The following ARHGEF3 variants were observed in gnomAD, a reference collection of about 807,000 sequenced individuals.
The protein encoded by ARHGEF3 is 59.8 kDA protein.
A neutral mutation model predicts 63.2 loss-of-function variants in ARHGEF3; 28 were observed. That is an observed-to-expected ratio of 0.44 (90% CI 0.33 to 0.61). The LOEUF (loss-of-function observed/expected upper bound fraction) is 0.61. Among genes scored for constraint, ARHGEF3 ranks in the 20% least tolerant of loss-of-function variants. The pLI is 0.03. For synonymous variants in ARHGEF3, 266 were observed against 254.2 expected (o/e 1.05, Z -0.44); for missense variants, 533 against 659.3 (o/e 0.81, Z 2.10).
At chr3:56,981,106 C>T (rs1701311518) in intron 2 of ARHGEF3, among the ~76,000 whole-genome samples, 1 of 152,246 alleles carries the variant, frequency 6.6e-6, no homozygotes, top group Non-Finnish European at 1.5e-5. Flanking sequence ...CCCTCCCCAT[C>T]TTCCTGGGGA....
chr3:56,812,821 C>T (rs2038117168), intron 4 of ARHGEF3, among the ~76,000 whole-genome samples: 1 of 152,222 alleles, frequency 6.6e-6, no homozygotes, highest in Non-Finnish European at 1.5e-5. Flanking sequence ...GCTAGCTGCT[C>T]CACCAAAGGG....
At chr3:57,028,715 T>TA (rs150495447) in intron 2 of ARHGEF3, among the ~76,000 whole-genome samples, 6,739 of 134,550 alleles carry the variant, frequency 0.05, 530 homozygotes, top group African/African-American at 0.18. Context: ...AATAAATAAA[T>TA]AAAAAAAAAA....
intron 3 of ARHGEF3, among the ~76,000 whole-genome samples, chr3:56,937,820 GT>G: frequency 6.6e-6 from 1 of 152,286 alleles, no homozygotes; most frequent in Admixed American, 6.5e-5. Flanking sequence ...TGAGTCATAA[GT>G]TTTCTCCCCA....
intron 4 of ARHGEF3, among the ~76,000 whole-genome samples, chr3:56,877,276 C>T (rs901090094): frequency 6.6e-6 from 1 of 151,436 alleles, no homozygotes; most frequent in Non-Finnish European, 1.5e-5. Flanking sequence ...AGTACTCTAT[C>T]GTTATTAAAA....
At chr3:56,779,269 C>A (rs1228254202) in intron 1 of ARHGEF3, among the ~76,000 whole-genome samples, 2 of 150,828 alleles carry the variant, frequency 1.3e-5, no homozygotes, top group Admixed American at 1.3e-4. Context: ...TATATATGAA[C>A]AAAGGACATA....
intron 4 of ARHGEF3, among the ~76,000 whole-genome samples, chr3:56,867,375 T>C (rs1398454981): frequency 6.6e-6 from 1 of 152,112 alleles, no homozygotes; most frequent in East Asian, 1.9e-4. Flanking sequence ...AAAAAATACA[T>C]AATGTGGCAG....
chr3:56,845,530 C>T (rs1174861919), intron 4 of ARHGEF3, among the ~76,000 whole-genome samples: 1 of 152,104 alleles, frequency 6.6e-6, no homozygotes, highest in African/African-American at 2.4e-5. Flanking sequence ...AAAACCAGTG[C>T]TATATTTTGT....
chr3:57,009,869 G>A (rs1026227036), intron 2 of ARHGEF3, among the ~76,000 whole-genome samples: 10 of 152,148 alleles, frequency 6.6e-5, no homozygotes, highest in Non-Finnish European at 1.2e-4. Context: ...AACACAGCAT[G>A]ACAGCTAACA....
chr3:56,777,369 TAAAG>T (rs2036333302), intron 1 of ARHGEF3, among the ~76,000 whole-genome samples: 1 of 152,244 alleles, frequency 6.6e-6, no homozygotes, highest in Admixed American at 6.5e-5. Flanking sequence ...TATTTTTTCA[TAAAG>T]AAACTGATTT....
intron 7 of ARHGEF3, among the ~76,000 whole-genome samples, 168 bp from the exon 8 acceptor site, chr3:56,737,523 C>T (rs1197330423): frequency 6.6e-6 from 1 of 151,720 alleles, no homozygotes; most frequent in East Asian, 1.9e-4. Flanking sequence ...ATACTTTTAG[C>T]ATACTGCATC....
intron 6 of ARHGEF3, among the ~76,000 whole-genome samples, chr3:56,746,202 C>A (rs2034373348): frequency 2.0e-5 from 3 of 152,220 alleles, no homozygotes; most frequent in Admixed American, 1.3e-4. Flanking sequence ...AATGGCCTAA[C>A]TGCTTTTGTT....
chr3:56,933,056 G>A (rs530748723), intron 3 of ARHGEF3, among the ~76,000 whole-genome samples: 3 of 152,272 alleles, frequency 2.0e-5, no homozygotes, highest in African/African-American at 7.2e-5. Flanking sequence ...CCAGTCTGCG[G>A]CAGTACACAG....
chr3:57,038,279 G>C (rs1004548801), intron 1 of ARHGEF3, among the ~76,000 whole-genome samples: 4 of 152,320 alleles, frequency 2.6e-5, no homozygotes, highest in Middle Eastern at 3.4e-3. Flanking sequence ...GCCATTTCAG[G>C]AATCGGGTAA....
At chr3:56,977,288 T>C (rs973267420) in intron 2 of ARHGEF3, 4 of 456,690 alleles carry the variant, frequency 8.8e-6, no homozygotes, top group South Asian at 1.5e-5. Context: ...AATATTTCTA[T>C]CAAACATGGT....
chr3:56,829,663 A>C (rs907704336), intron 4 of ARHGEF3, among the ~76,000 whole-genome samples: 1 of 152,160 alleles, frequency 6.6e-6, no homozygotes, highest in Non-Finnish European at 1.5e-5. Context: ...GGAAATTCCA[A>C]CACATATTTC....
At chr3:57,008,942 A>T (rs970244272) in intron 2 of ARHGEF3, among the ~76,000 whole-genome samples, 2 of 152,236 alleles carry the variant, frequency 1.3e-5, no homozygotes, top group African/African-American at 4.8e-5. Context: ...GATGGCTCTC[A>T]TGAGAATTGG....
In ARHGEF3 at chr3:56,995,366, A is replaced by G. The variant is rs1701929421; in HGVS notation, c.63-36477T>C. Among the ~76,000 whole-genome samples, 3 of 152,114 alleles carry G rather than the reference A, an allele frequency of 2.0e-5. No individual in the cohort carries two copies. In the South Asian group the frequency reaches 6.2e-4, roughly 31 times the overall value. Reference sequence around the variant, plus strand: ...TCTGATGACTCTGATTTGTTGTATCAAAGAGTAATGTGAAATGCTAAAAAA... The same window carrying G: ...TCTGATGACTCTGATTTGTTGTATCGAAGAGTAATGTGAAATGCTAAAAAA... On this transcript the variant is annotated intron_variant, in intron 2 of 12. Transcript: ENST00000338458.
chr3:56,913,377 C>T lies in ARHGEF3; in HGVS notation c.130-31023G>A, dbSNP rs964329942. Reference sequence around the variant, plus strand: ...CAGACATTTCTGCAAAGAAGACATACAAATGGCCAATAATGCACACGAAGA... The same window carrying T: ...CAGACATTTCTGCAAAGAAGACATATAAATGGCCAATAATGCACACGAAGA... On this transcript the variant is annotated intron_variant, in intron 3 of 12. Coordinates refer to the ARHGEF3 transcript ENST00000338458. 7.2e-5 allele frequency among the ~76,000 whole-genome samples: 11 copies of T among 152,224 alleles called. No individual in the cohort carries two copies. In the East Asian group the frequency reaches 2.1e-3, roughly 29 times the overall value.
intron 2 of ARHGEF3, among the ~76,000 whole-genome samples, chr3:56,965,645 CTTTTTTTT>C (rs759458048): frequency 1.5e-5 from 2 of 133,354 alleles, no homozygotes; most frequent in South Asian, 2.4e-4. Flanking sequence ...AAACTACATT[CTTTTTTTT>C]TTTTTTTTTT....
Sources: allele counts gnomAD v4.1 joint callset (sites outside exome capture counted in the v4.1 genomes callset), GRCh38; gene constraint gnomAD v4.1.1; transcripts MANE v1.5; gene names NCBI Gene and HGNC (gene_info 2026-07-23, HGNC 2026-07-21).